The following TCF3 variants were observed in gnomAD, a reference collection of about 807,000 sequenced individuals.
The protein encoded by TCF3 is transcription factor 3.
Under a neutral mutation model 72.3 loss-of-function variants are expected in TCF3, and 54 were observed. That is an observed-to-expected ratio of 0.75 (90% confidence interval 0.60 to 0.94). The LOEUF is 0.94. Ranked by LOEUF, TCF3 falls within the 40% of genes least tolerant of loss-of-function variation. The probability of loss-of-function intolerance (pLI) is 0.00; values close to 1 mark genes in which losing one functional copy is unlikely to be tolerated. For missense variants in TCF3, 1,078 were observed against 934.4 expected, an observed-to-expected ratio of 1.15 and a Z score of -2.00; for synonymous variants, 525 against 412.6, an observed-to-expected ratio of 1.27 and a Z score of -3.30.
chr19:1,627,746 G>T (rs2063078900), intron 5 of TCF3, among the ~76,000 whole-genome samples: 1 of 152,078 alleles, frequency 6.6e-6, no homozygotes, highest in African/African-American at 2.4e-5. Flanking sequence ...CCCAGGGGGT[G>T]GGGCGGAAAG....
At chr19:1,651,970 T>TG (rs919663635) in intron 1 of TCF3, among the ~76,000 whole-genome samples, 6 of 149,628 alleles carry the variant, frequency 4.0e-5, no homozygotes, top group African/African-American at 1.2e-4. Context: ...GCGCCCGGGC[T>TG]GGGGGGGACG....
At chr19:1,621,684 T>A (rs567848971) in intron 11 of TCF3, among the ~76,000 whole-genome samples, 154 bp downstream of exon 11, 5 of 152,292 alleles carry the variant, frequency 3.3e-5, no homozygotes, top group Non-Finnish European at 7.4e-5. Context: ...TGGCAGGCCC[T>A]GCAGACAGCG....
In TCF3 at chr19:1,612,818, G is replaced by A. The variant is rs116593130; in HGVS notation, c.1823-969C>T. 9.3e-3 allele frequency among the ~76,000 whole-genome samples: 1,400 copies of A among 151,134 alleles called. 22 individuals carry two copies. The highest frequency in any genetic ancestry group is 0.033 in the African/African-American group (1,343 of 41,128). ...GTGTGGGCAGCAGTGCAGTTACACA[G>A]CTGGTGTCAGGCACTGCAGTGCAGG... is the stretch of plus-strand genomic sequence containing the variant. On this transcript the variant is annotated intron_variant, in intron 18 of 18. Coordinates refer to ENST00000262965, the MANE Select transcript of TCF3 (RefSeq NM_003200.5).
intron 10 of TCF3, 28 bp downstream of exon 10, chr19:1,622,026 A>ACCCCCTG (rs778317335): frequency 1.7e-6 from 2 of 1,155,130 alleles, no homozygotes; most frequent in East Asian, 3.1e-5. Flanking sequence ...CCCTCCGCCC[A>ACCCCCTG]CCCCCTGCCC....
In TCF3 at chr19:1,623,145, A is replaced by T. The variant is rs560285609; in HGVS notation, c.550-730T>A. Among the ~76,000 whole-genome samples the T allele has an allele frequency of 9.9e-4, 150 of 152,094 alleles. No individual in the cohort carries two copies. In the Middle Eastern group the frequency reaches 0.014, roughly 14 times the overall value. On this transcript the variant is annotated intron_variant, in intron 8 of 18. Coordinates refer to ENST00000262965, the MANE Select transcript of TCF3 (RefSeq NM_003200.5). The stretch of plus-strand genomic sequence containing the variant: ...GGCCTGTGGGGAGCTGGTCGGCTGG[A>T]GGGGTGAGGAGATGTATGCCCAGGG...
rs374669446 is a variant in TCF3 at position 1,648,988 on chromosome 19, C to G, written c.72+1189G>C. Among the ~76,000 whole-genome samples, 9 of 152,240 alleles carry G rather than the reference C, an allele frequency of 5.9e-5. 1 individual carries two copies. The highest frequency in any genetic ancestry group is 4.6e-4 in the Admixed American group (7 of 15,288). On this transcript the variant is annotated intron_variant, in intron 2 of 18. Transcript: ENST00000262965. ...CGTCAGCGGCCGGTACCCCAGGGGG[C>G]TCCGGCATTCCAGCCTCACTGCACC...
At position 1,632,434 on chromosome 19, in the gene TCF3, T is replaced by C. The variant is rs372588865; in HGVS notation, c.146-29A>G. The C allele has an allele frequency of 1.1e-4, 165 of 1,566,906 alleles. No individual in the cohort carries two copies. In the African/African-American group the frequency reaches 1.7e-3, roughly 17 times the overall value. ...CAGGCAGGACAGAGAGAGTTATGGGTCACCCTCACGCCTGCCCAGCTCTAA... is the reference window on the plus strand; with the variant it reads ...CAGGCAGGACAGAGAGAGTTATGGGCCACCCTCACGCCTGCCCAGCTCTAA... On this transcript the variant is annotated intron_variant, in intron 3 of 18. Transcript: ENST00000262965.
chr19:1,630,223 AGGC>A (rs2063534272), intron 5 of TCF3, among the ~76,000 whole-genome samples: 1 of 152,106 alleles, frequency 6.6e-6, no homozygotes, highest in Non-Finnish European at 1.5e-5. Flanking sequence ...GTGAGGAACC[AGGC>A]TCCCAGGTGC....
intron 3 of TCF3, among the ~76,000 whole-genome samples, chr19:1,640,634 A>G (rs1241505086): frequency 6.6e-6 from 1 of 150,622 alleles, no homozygotes; most frequent in Non-Finnish European, 1.5e-5. Context: ...CTGGCTAACA[A>G]GGTGAAACCC....
chr19:1,635,736 C>T (rs902600303), intron 3 of TCF3, among the ~76,000 whole-genome samples: 9 of 152,168 alleles, frequency 5.9e-5, no homozygotes, highest in African/African-American at 1.9e-4. Flanking sequence ...TTTTCAAGCA[C>T]ATTAAAAATT....
intron 13 of TCF3, among the ~76,000 whole-genome samples, chr19:1,620,739 A>T (rs2062090821): frequency 6.6e-6 from 1 of 152,128 alleles, no homozygotes; most frequent in African/African-American, 2.4e-5. Context: ...TGGATTGCCC[A>T]GTGGAACACA....
At chr19:1,626,094 G>T (rs1218218528) in intron 6 of TCF3, among the ~76,000 whole-genome samples, 2 of 152,256 alleles carry the variant, frequency 1.3e-5, no homozygotes, top group South Asian at 4.1e-4. Flanking sequence ...AGTGTGAAAC[G>T]GGCTTTCTTC....
At chr19:1,612,230 A>G in intron 18 of TCF3, 1 of 1,595,622 alleles carries the variant, frequency 6.3e-7, no homozygotes. Flanking sequence ...CTCCAGCCCC[A>G]GGATGACCTG....
At chr19:1,635,289 C>T (rs148640097) in intron 3 of TCF3, among the ~76,000 whole-genome samples, 9 of 152,338 alleles carry the variant, frequency 5.9e-5, no homozygotes, top group South Asian at 2.1e-4. Context: ...TGCCCCATAG[C>T]TACAGCAGCG....
At chr19:1,629,707 G>A (rs62130070) in intron 5 of TCF3, among the ~76,000 whole-genome samples, 1,968 of 152,338 alleles carry the variant, frequency 0.013, 23 homozygotes, top group Non-Finnish European at 0.022. Flanking sequence ...GGCTGACACT[G>A]GGCACGGAAT....
chr19:1,616,823 A>G (rs547420332), intron 16 of TCF3, among the ~76,000 whole-genome samples: 2 of 152,292 alleles, frequency 1.3e-5, no homozygotes, highest in African/African-American at 4.8e-5. Flanking sequence ...ACTATATCAG[A>G]ATTGAGAGTT....
chr19:1,648,550 A>G (rs929829782), intron 2 of TCF3, among the ~76,000 whole-genome samples: 2 of 152,196 alleles, frequency 1.3e-5, no homozygotes, highest in African/African-American at 2.4e-5. Flanking sequence ...CAGTTTAACA[A>G]AAAACAACCC....
chr19:1,640,679 C>T (rs2065107652), intron 3 of TCF3, among the ~76,000 whole-genome samples: 1 of 151,914 alleles, frequency 6.6e-6, no homozygotes, highest in Non-Finnish European at 1.5e-5. Flanking sequence ...TTAGCCGGCA[C>T]CTGTAGTCCC....
intron 6 of TCF3, among the ~76,000 whole-genome samples, chr19:1,627,049 G>A (rs1440819087): frequency 2.0e-5 from 3 of 152,152 alleles, no homozygotes; most frequent in Non-Finnish European, 4.4e-5. Flanking sequence ...GGGCTCCCCA[G>A]GGGGTCCACA....
Sources: allele counts gnomAD v4.1 joint callset (sites outside exome capture counted in the v4.1 genomes callset), GRCh38; gene constraint gnomAD v4.1.1; transcripts MANE v1.5; gene names NCBI Gene and HGNC (gene_info 2026-07-23, HGNC 2026-07-21).